Variants in DLG2 observed in about 807,000 individuals in gnomAD.
DLG2 encodes the protein disks large homolog 2.
A neutral mutation model predicts 132.5 loss-of-function variants in DLG2; 45 were observed. That is an observed-to-expected ratio of 0.34 (90% confidence interval 0.27 to 0.44). The LOEUF (loss-of-function observed/expected upper bound fraction) is 0.44, where lower values mean the gene tolerates loss of function less well. Ranked by LOEUF, DLG2 falls within the 20% of genes least tolerant of loss-of-function variation. The pLI is 1.00. For missense variants in DLG2, 1,045 were observed against 1,196.9 expected, an observed-to-expected ratio of 0.87 and a Z score of 1.87; for synonymous variants, 424 against 419.6, an observed-to-expected ratio of 1.01 and a Z score of -0.13.
chr11:83,621,480 G>A (rs1388656805), intron 19 of DLG2, among the ~76,000 whole-genome samples: 1 of 152,122 alleles, frequency 6.6e-6, no homozygotes, highest in Non-Finnish European at 1.5e-5. Flanking sequence ...GAAGACCAAA[G>A]TGTCCTGCAG....
At chr11:83,890,023 A>C (rs1220888079) in intron 15 of DLG2, among the ~76,000 whole-genome samples, 2 of 151,980 alleles carry the variant, frequency 1.3e-5, no homozygotes, top group Non-Finnish European at 2.9e-5. Context: ...TGACGAGTTA[A>C]TGTGTGCAGC....
chr11:84,113,162 T>C (rs79932362), intron 9 of DLG2, among the ~76,000 whole-genome samples: 1,886 of 152,292 alleles, frequency 0.012, 34 homozygotes, highest in African/African-American at 0.044. Flanking sequence ...AAAAAATTAA[T>C]TTTACTTAAG....
chr11:83,510,314 C>A (rs1459511652), intron 21 of DLG2, among the ~76,000 whole-genome samples: 2 of 150,526 alleles, frequency 1.3e-5, no homozygotes, highest in Non-Finnish European at 2.9e-5. Context: ...CGCTCTTTAC[C>A]CCCCACCATC....
In DLG2 at chr11:85,072,576, G is replaced by A. The variant is rs1449665854; in HGVS notation, c.357+39085C>T. ...TTGCCAAGGGCTTTAAATACATTTC[G>A]TCATTTAATTATCATGGCAGTCTAT... is the stretch of plus-strand genomic sequence containing the variant. On this transcript the variant is annotated intron_variant, in intron 6 of 27. Coordinates refer to ENST00000376104, the MANE Select transcript of DLG2 (RefSeq NM_001142699.3). 5.3e-5 allele frequency among the ~76,000 whole-genome samples: 8 copies of A among 151,680 alleles called. No homozygotes were observed. In the South Asian group the frequency reaches 6.2e-4, roughly 12 times the overall value.
intron 19 of DLG2, among the ~76,000 whole-genome samples, chr11:83,623,170 CTTCT>C (rs1424045607): frequency 3.3e-5 from 5 of 152,000 alleles, no homozygotes; most frequent in African/African-American, 1.2e-4. Flanking sequence ...GTGTACTATC[CTTCT>C]TTATCTTTTT....
chr11:84,476,541 C>T (rs2099122162), intron 7 of DLG2, among the ~76,000 whole-genome samples: 1 of 152,142 alleles, frequency 6.6e-6, no homozygotes, highest in Non-Finnish European at 1.5e-5. Flanking sequence ...CAATAACAAG[C>T]AACACTTGTG....
At chr11:84,376,949 G>A (rs2098731775) in intron 7 of DLG2, among the ~76,000 whole-genome samples, 1 of 151,864 alleles carries the variant, frequency 6.6e-6, no homozygotes, top group South Asian at 2.1e-4. Context: ...AATGTTAAAA[G>A]GCAACAATCA....
chr11:83,828,437 T>C (rs2053517080), intron 17 of DLG2, among the ~76,000 whole-genome samples: 1 of 152,204 alleles, frequency 6.6e-6, no homozygotes, highest in Admixed American at 6.5e-5. Context: ...ACTACTGGTG[T>C]CCTGTAAGTT....
intron 18 of DLG2, chr11:83,682,508 T>C: frequency 1.1e-6 from 1 of 921,270 alleles, no homozygotes; most frequent in Non-Finnish European, 1.3e-6. Context: ...CCATCAGTAG[T>C]GTACCCCCAT....
At chr11:84,745,512 A>G (rs2065246387) in intron 6 of DLG2, among the ~76,000 whole-genome samples, 1 of 152,172 alleles carries the variant, frequency 6.6e-6, no homozygotes, top group Admixed American at 6.5e-5. Context: ...CAGAACTGTG[A>G]ACCAATTAAA....
chr11:85,035,187 T>G (rs2061345090), intron 6 of DLG2, among the ~76,000 whole-genome samples: 1 of 152,090 alleles, frequency 6.6e-6, no homozygotes, highest in South Asian at 2.1e-4. Context: ...CCAGCCTGAG[T>G]GATGTTATTT....
intron 23 of DLG2, among the ~76,000 whole-genome samples, chr11:83,472,470 A>G (rs2092166394): frequency 6.6e-6 from 1 of 152,028 alleles, no homozygotes; most frequent in Non-Finnish European, 1.5e-5. Context: ...GTTCCTTCCC[A>G]TTGAGGACCA....
chr11:84,911,290 C>T (rs908228649), intron 6 of DLG2, among the ~76,000 whole-genome samples: 5 of 151,902 alleles, frequency 3.3e-5, no homozygotes, highest in Non-Finnish European at 7.4e-5. Flanking sequence ...TGTTGCTTAA[C>T]TTTTAAATTT....
At chr11:83,471,886 AT>A (rs1201999440) in intron 23 of DLG2, among the ~76,000 whole-genome samples, 159 bp from the exon 24 acceptor site, 1 of 152,118 alleles carries the variant, frequency 6.6e-6, no homozygotes, top group East Asian at 1.9e-4. Flanking sequence ...AGGGAAATTG[AT>A]GTTTAACACT....
intron 19 of DLG2, among the ~76,000 whole-genome samples, chr11:83,556,824 G>A (rs116471061): frequency 0.012 from 1,789 of 152,288 alleles, 38 homozygotes; most frequent in African/African-American, 0.04. Flanking sequence ...ACAAAAGTCA[G>A]CATCCAGTGG....
intron 7 of DLG2, among the ~76,000 whole-genome samples, chr11:84,304,904 T>C (rs2154383860): frequency 6.6e-6 from 1 of 152,334 alleles, no homozygotes; most frequent in East Asian, 1.9e-4. Context: ...AACAAATGGT[T>C]CCATTCTATC....
intron 6 of DLG2, among the ~76,000 whole-genome samples, chr11:84,751,234 T>A (rs919550409): frequency 1.3e-5 from 2 of 152,272 alleles, no homozygotes; most frequent in Non-Finnish European, 2.9e-5. Context: ...CTAACATTAA[T>A]TAAGTGACTG....
At chr11:84,271,350 G>C (rs951679033) in intron 7 of DLG2, among the ~76,000 whole-genome samples, 14 of 152,098 alleles carry the variant, frequency 9.2e-5, no homozygotes, top group African/African-American at 3.4e-4. Flanking sequence ...AAACACACTG[G>C]AATCAAAGAC....
At chr11:84,652,802 C>T (rs1565567120) in intron 6 of DLG2, among the ~76,000 whole-genome samples, 3 of 152,118 alleles carry the variant, frequency 2.0e-5, no homozygotes, top group Admixed American at 2.0e-4. Context: ...TATTAAGTGA[C>T]TTACCCAATG....
Sources: allele counts gnomAD v4.1 joint callset (sites outside exome capture counted in the v4.1 genomes callset), GRCh38; gene constraint gnomAD v4.1.1; transcripts MANE v1.5; gene names NCBI Gene and HGNC (gene_info 2026-07-23, HGNC 2026-07-21).